Variants in VMAC observed in about 807,000 individuals in gnomAD.
The protein encoded by VMAC is vimentin type intermediate filament associated coiled-coil protein, also known as vimentin-type intermediate filament-associated coiled-coil protein.
In VMAC, 8 loss-of-function variants were observed where a neutral mutation model predicts 4.8. That is an observed-to-expected ratio of 1.68 (90% CI 0.99 to 3.03). The LOEUF (loss-of-function observed/expected upper bound fraction) is 3.03. Ranked by LOEUF, VMAC falls within the 30% of genes most tolerant of loss-of-function variation. The pLI, the probability that VMAC is intolerant of heterozygous loss-of-function variation, is 0.00. For missense variants in VMAC, 248 were observed against 245.1 expected (o/e 1.01, Z -0.08); for synonymous variants, 96 against 113.7 (o/e 0.84, Z 0.99).
chr19:5,908,827 G>C lies in VMAC; in HGVS notation c.195G>C (p.Glu65Asp). 6.2e-7 allele frequency: 1 copy of C among 1,613,514 alleles called. No individual in the cohort carries two copies. Residue 65 changes from glutamate (E) to aspartate (D), a missense_variant, in exon 2 of 2, where the codon GAG becomes GAC. Coordinates refer to ENST00000339485, the MANE Select transcript of VMAC (RefSeq NM_001017921.4). The surrounding 1 kb of genome is among the most constrained non-coding windows in gnomAD (Gnocchi z 4.5). ...LDELGRAKDR[E>D]IATLQEQLMT... ...CCTCCTCTTGCCTTCCTGCCAGTGA[G>C]ATTGCCACACTCCAGGAGCAGCTGA...
chr19:5,905,493 C>T (rs754253185), intron 1 of VMAC, among the ~76,000 whole-genome samples: 14 of 152,204 alleles, frequency 9.2e-5, no homozygotes, highest in Non-Finnish European at 1.6e-4. Flanking sequence ...GATCTCAGCT[C>T]ACTGCAACCT....
In VMAC at chr19:5,910,535, A is replaced by G. The variant is rs1431819856; in HGVS notation, c.*1393A>G. The stretch of plus-strand genomic sequence containing the variant: ...AACATGGTGAAACCCCGTCTCTACT[A>G]AAAATACTAAAATTAGCCGGGCTTG... On this transcript the variant is annotated 3_prime_UTR_variant, in exon 2 of 2. Transcript: ENST00000339485. The G allele has an allele frequency of 2.0e-5, 3 of 152,090 alleles. No homozygotes were observed. Among genetic ancestry groups the G allele is most frequent in the Non-Finnish European group, 4.4e-5 (3 of 68,042 alleles). The allele number at this position is 152,090 out of a possible 1,614,324, so 9.4% of individuals were successfully genotyped here.
At chr19:5,906,251 C>T (rs888909307) in intron 1 of VMAC, among the ~76,000 whole-genome samples, 2 of 152,164 alleles carry the variant, frequency 1.3e-5, no homozygotes, top group Admixed American at 6.5e-5. Context: ...ATTATAGGCA[C>T]GAGCCACCAT....
In VMAC at chr19:5,908,388, G is replaced by A. The variant is rs1050517641; in HGVS notation, c.192-436G>A. The stretch of plus-strand genomic sequence containing the variant: ...TCCCAGCACTTTGAGAGGCCATGGC[G>A]GGTGGATCACGTGGTCAGGAGTTCG... On this transcript the variant is annotated intron_variant, in intron 1 of 1. Coordinates refer to ENST00000339485, the MANE Select transcript of VMAC (RefSeq NM_001017921.4). The surrounding 1 kb of genome is among the most constrained non-coding windows in gnomAD (Gnocchi z 4.5). Among the ~76,000 whole-genome samples the A allele has an allele frequency of 2.6e-5, 4 of 152,028 alleles. No individual in the cohort carries two copies. Among genetic ancestry groups the A allele is most frequent in the African/African-American group, 4.8e-5 (2 of 41,404 alleles).
At chr19:5,906,323 C>T (rs993765795) in intron 1 of VMAC, among the ~76,000 whole-genome samples, 7 of 152,202 alleles carry the variant, frequency 4.6e-5, no homozygotes, top group African/African-American at 1.7e-4. Flanking sequence ...AGAGATGAGA[C>T]AGGCACCCAG....
chr19:5,908,795 G>C lies in VMAC; in HGVS notation c.192-29G>C. On this transcript the variant is annotated intron_variant, in intron 1 of 1. Transcript: ENST00000339485. This position sits in a 1 kb window ranked among gnomAD's most constrained non-coding sequence, Gnocchi z 4.5. ...AGCAGGTGCTGTGGTCCTCAGTTCT[G>C]TAATCACCTCCTCTTGCCTTCCTGC... The C allele has an allele frequency of 6.2e-7, 1 of 1,611,862 alleles. No homozygotes were observed. Among genetic ancestry groups the C allele is most frequent in the Middle Eastern group, 1.7e-4 (1 of 6,042 alleles).
intron 1 of VMAC, among the ~76,000 whole-genome samples, chr19:5,907,288 T>C (rs1177004511): frequency 1.3e-5 from 2 of 152,036 alleles, no homozygotes; most frequent in African/African-American, 2.4e-5. Flanking sequence ...CATCTAACCC[T>C]AATCACCTCC....
rs375415173 is a variant in VMAC at position 5,908,808 on chromosome 19, C to A, written c.192-16C>A. The A allele has an allele frequency of 6.2e-7, 1 of 1,613,118 alleles. No individual in the cohort carries two copies. The highest frequency in any genetic ancestry group is 8.5e-7 in the Non-Finnish European group (1 of 1,179,696). On this transcript the variant is annotated splice_polypyrimidine_tract_variant and intron_variant, in intron 1 of 1. Transcript: ENST00000339485. The surrounding 1 kb of genome is among the most constrained non-coding windows in gnomAD (Gnocchi z 4.5). ...GTCCTCAGTTCTGTAATCACCTCCTCTTGCCTTCCTGCCAGTGAGATTGCC... is the reference window on the plus strand; with the variant it reads ...GTCCTCAGTTCTGTAATCACCTCCTATTGCCTTCCTGCCAGTGAGATTGCC...
At chr19:5,906,971 G>A (rs987407468) in intron 1 of VMAC, among the ~76,000 whole-genome samples, 3 of 152,248 alleles carry the variant, frequency 2.0e-5, no homozygotes, top group African/African-American at 7.2e-5. Flanking sequence ...AAGTTGCAGT[G>A]AGCCGAAATT....
chr19:5,907,844 T>C (rs1599701723), intron 1 of VMAC, among the ~76,000 whole-genome samples: 1 of 152,076 alleles, frequency 6.6e-6, no homozygotes, highest in East Asian at 1.9e-4. Context: ...GGTCTCTCAC[T>C]GTCTCTCCTG....
In VMAC at chr19:5,904,895, C is replaced by T. The variant is rs750021627; in HGVS notation, c.5C>T (p.Ser2Leu). Reference sequence around the variant, plus strand: ...GCCTGTACAGCAGCCTGGGCCATGTCGGCGCCGCCGGCCCTGCAGATCCGG... The same window carrying T: ...GCCTGTACAGCAGCCTGGGCCATGTTGGCGCCGCCGGCCCTGCAGATCCGG... Reference protein sequence around the residue: MSAPPALQIREA... With the variant: MLAPPALQIREA... Residue 2 changes from serine (S) to leucine (L), a missense_variant, in exon 1 of 2, where the codon TCG becomes TTG. Coordinates refer to ENST00000339485, the MANE Select transcript of VMAC (RefSeq NM_001017921.4). 6.8e-7 allele frequency: 1 copy of T among 1,477,288 alleles called. No individual in the cohort carries two copies. Among genetic ancestry groups the T allele is most frequent in the Non-Finnish European group, 8.9e-7 (1 of 1,124,214 alleles). 91.5% of individuals were successfully genotyped at this position (1,477,288 alleles called of 1,614,324 possible). A position where few individuals can be genotyped will look rare whatever the true frequency, so the allele number is the denominator to read the frequency against.
rs757505011 is a variant in VMAC at position 5,908,921 on chromosome 19, T to C, written c.289T>C (p.Leu97=). ...CCAGAGGGACGAGCTCATTAGGCAG[T>C]TGCAGCCCCGGGCTGAGCTGCTGCA... is the stretch of plus-strand genomic sequence containing the variant. The part of the protein sequence containing the change: ...VHQRDELIRQ[L]QPRAELLQDI... Residue 97 remains leucine, a synonymous_variant, in exon 2 of 2, where the codon TTG becomes CTG. Coordinates refer to ENST00000339485, the MANE Select transcript of VMAC (RefSeq NM_001017921.4). This position sits in a 1 kb window ranked among gnomAD's most constrained non-coding sequence, Gnocchi z 4.5. The C allele has an allele frequency of 2.5e-6, 4 of 1,613,756 alleles. No individual in the cohort carries two copies. The highest frequency in any genetic ancestry group is 1.7e-5 in the Admixed American group (1 of 60,016).
rs752872240 is a variant in VMAC, at chr19:5,909,130, G to A, written c.498G>A (p.Gly166=). Reference sequence around the variant, plus strand: ...ACCACCTCCAGCCTGCAGTGTTTGGGACCACAGTGTGAGCCCGGAATGCAG... The same window carrying A: ...ACCACCTCCAGCCTGCAGTGTTTGGAACCACAGTGTGAGCCCGGAATGCAG... The part of the protein sequence containing the change: ...DRDHLQPAVF[G]TTV Residue 166 remains glycine (G), a synonymous_variant, in exon 2 of 2, where the codon GGG becomes GGA. Coordinates refer to ENST00000339485, the MANE Select transcript of VMAC (RefSeq NM_001017921.4). The A allele has an allele frequency of 5.8e-6, 9 of 1,541,816 alleles. No individual in the cohort carries two copies. The highest frequency in any genetic ancestry group is 7.0e-6 in the Non-Finnish European group (8 of 1,150,298).
Position 5,909,539 on chromosome 19 carries a change from G to A in VMAC, c.*397G>A, listed in dbSNP as rs147749521. The A allele has an allele frequency of 4.0e-3, 715 of 179,110 alleles. 3 individuals carry two copies. The highest frequency in any genetic ancestry group is 0.04 in the Middle Eastern group (16 of 402). 11.1% of individuals were successfully genotyped at this position (179,110 alleles called of 1,614,324 possible). On this transcript the variant is annotated 3_prime_UTR_variant, in exon 2 of 2. Transcript: ENST00000339485. ...CTGTCGCCCTGGCTGGGGTGCAGTG[G>A]TGCGATTTTGGCTAACTGCAACCTC...
rs1455928888 is a variant in VMAC at position 5,905,095 on chromosome 19, C to T, written c.191+14C>T. 13 of 1,338,772 alleles carry T rather than the reference C, an allele frequency of 9.7e-6. 1 individual carries two copies. In the South Asian group the frequency reaches 1.5e-4, roughly 16 times the overall value. 82.9% of individuals were successfully genotyped at this position (1,338,772 alleles called of 1,614,324 possible). A position where few individuals can be genotyped will look rare whatever the true frequency, so the allele number is the denominator to read the frequency against. ...CGCCAAGGACCGGTGAGGCCCGGGG[C>T]CGGCCAGGTGGACTTCACCGAGGCG... On this transcript the variant is annotated intron_variant, in intron 1 of 1. Transcript: ENST00000339485.
chr19:5,908,906 G>A lies in VMAC; in HGVS notation c.274G>A (p.Glu92Lys), dbSNP rs199948127. Residue 92 changes from glutamate (E) to lysine (K), a missense_variant, in exon 2 of 2, where the codon GAG becomes AAG. Physicochemically the swap from Glu to Lys is moderately conservative, Grantham distance 56 (BLOSUM62 1). Transcript: ENST00000339485. The surrounding 1 kb of genome is among the most constrained non-coding windows in gnomAD (Gnocchi z 4.5). ...SLQATVHQRD[E>K]LIRQLQPRAE... ...GCAGGCCACCGTGCACCAGAGGGAC[G>A]AGCTCATTAGGCAGTTGCAGCCCCG... The A allele has an allele frequency of 3.6e-5, 58 of 1,613,916 alleles. No homozygotes were observed. Among genetic ancestry groups the A allele is most frequent in the Admixed American group, 2.2e-4 (13 of 60,018 alleles).
chr19:5,908,750 G>A lies in VMAC; in HGVS notation c.192-74G>A. 6.5e-7 allele frequency: 1 copy of A among 1,526,984 alleles called. No homozygotes were observed. The highest frequency in any genetic ancestry group is 1.4e-5 in the African/African-American group (1 of 72,140). 94.6% of individuals were successfully genotyped at this position (1,526,984 alleles called of 1,614,324 possible). A position where few individuals can be genotyped will look rare whatever the true frequency, so the allele number is the denominator to read the frequency against. On this transcript the variant is annotated intron_variant, in intron 1 of 1. Transcript: ENST00000339485. The surrounding 1 kb of genome is among the most constrained non-coding windows in gnomAD (Gnocchi z 4.5). ...TCCCAAAGGTGATGGGGAACCTCTT[G>A]CGGGTCCAGAGCAGGGAGGAGCAGG...
chr19:5,905,167 G>T, intron 1 of VMAC, 86 bp downstream of exon 1: 1 of 1,291,078 alleles, frequency 7.7e-7, no homozygotes, highest in African/African-American at 1.6e-5. Context: ...AGGGCAGGGG[G>T]AACCGTGTGC....
Position 5,904,930 on chromosome 19 carries a change from G to C in VMAC, c.40G>C (p.Ala14Pro). 6.7e-7 allele frequency: 1 copy of C among 1,490,622 alleles called. No homozygotes were observed. The highest frequency in any genetic ancestry group is 1.3e-5 in the South Asian group (1 of 79,202). The allele number at this position is 1,490,622 out of a possible 1,614,324, so 92.3% of individuals were successfully genotyped here. Residue 14 changes from alanine (A) to proline (P), a missense_variant, in exon 1 of 2, where the codon GCA (alanine) becomes CCA (proline). Coordinates refer to ENST00000339485, the MANE Select transcript of VMAC (RefSeq NM_001017921.4). ...PPALQIREANAHLAAVHRRAA... is the reference protein window; with the variant it reads ...PPALQIREANPHLAAVHRRAA... ...GGCCCTGCAGATCCGGGAGGCAAAC[G>C]CACACCTGGCAGCCGTGCACCGGCG...
Sources: gnomAD v4.1 joint callset for allele counts (sites outside exome capture counted in the v4.1 genomes callset) on GRCh38, gnomAD v4.1.1 for gene constraint, Gnocchi (gnomAD v3.1) non-coding constraint, MANE v1.5 for transcripts, NCBI Gene and HGNC (gene_info 2026-07-23, HGNC 2026-07-21) for gene names.